LRIF1: variants seen among roughly 807,000 people sequenced by gnomAD.
LRIF1 encodes the protein ligand dependent nuclear receptor interacting factor 1, also known as ligand-dependent nuclear receptor-interacting factor 1.
A neutral mutation model predicts 52.7 loss-of-function variants in LRIF1; 32 were observed. The observed-to-expected ratio is 0.61, with a 90% CI of 0.46 to 0.82. The LOEUF is 0.82. Ranked by LOEUF, LRIF1 falls within the 40% of genes least tolerant of loss-of-function variation. LRIF1 has a pLI of 0.00. For synonymous variants in LRIF1, 323 were observed against 317.4 expected, an observed-to-expected ratio of 1.02 and a Z score of -0.19; for missense variants, 887 against 892.0, an observed-to-expected ratio of 0.99 and a Z score of 0.07.
At chr1:110,891,634 C>G in the LRIF1 span, among the ~76,000 whole-genome samples, 3 of 152,124 alleles carry the variant, frequency 2.0e-5, no homozygotes, top group Non-Finnish European at 2.9e-5. Context: ...TTCCCCTCTT[C>G]CTGCCACAGA....
intron 3 of LRIF1, 57 bp from the exon 4 acceptor site, chr1:110,948,456 G>A (rs1177622277): frequency 6.1e-5 from 93 of 1,518,232 alleles, no homozygotes; most frequent in Middle Eastern, 2.3e-4. Context: ...TAAATGCACC[G>A]GGTACTACCA....
chr1:110,910,463 T>C, the LRIF1 span, among the ~76,000 whole-genome samples: 1 of 152,052 alleles, frequency 6.6e-6, no homozygotes, highest in African/African-American at 2.4e-5. Context: ...TAGCTGGGCA[T>C]GGCAGCACAG....
In LRIF1 at chr1:110,947,385, TAA is replaced by T. The variant is rs1453969158; in HGVS notation, c.*572_*573del. 6.6e-6 allele frequency: 1 copy of T among 152,132 alleles called. No homozygotes were observed. The highest frequency in any genetic ancestry group is 2.4e-5 in the African/African-American group (1 of 41,420). 9.4% of individuals were successfully genotyped at this position (152,132 alleles called of 1,614,324 possible). ...CTTTGGATTATATAAAATTACATTG[TAA>T]AGTTACAAATGTTGCTCATTCTTGA... On this transcript the variant is annotated 3_prime_UTR_variant, in exon 4 of 4. Transcript: ENST00000369763.
At chr1:110,939,372 C>T in the LRIF1 span, 4 of 104,018 alleles carry the variant, frequency 3.8e-5, no homozygotes, top group East Asian at 3.4e-4. Flanking sequence ...AGCGAGACTC[C>T]GTCTCAAAAA....
chr1:110,896,635 T>G, the LRIF1 span: 1 of 1,610,220 alleles, frequency 6.2e-7, no homozygotes, highest in Non-Finnish European at 8.5e-7. Flanking sequence ...ATCATCATTT[T>G]GGGGGTTTGG....
the LRIF1 span, chr1:110,899,628 C>T: frequency 5.9e-6 from 1 of 170,218 alleles, no homozygotes; most frequent in Non-Finnish European, 1.3e-5. Context: ...GCCAGGCTCA[C>T]TGGACCATTG....
chr1:110,901,238 T>C, the LRIF1 span, among the ~76,000 whole-genome samples: 10 of 151,824 alleles, frequency 6.6e-5, no homozygotes. Flanking sequence ...AGTACAGTGG[T>C]GCAATCTTGG....
chr1:110,889,824 C>G, the LRIF1 span, among the ~76,000 whole-genome samples: 1 of 152,076 alleles, frequency 6.6e-6, no homozygotes, highest in African/African-American at 2.4e-5. Context: ...GGTAGTAAAT[C>G]ATTACACTTT....
chr1:110,962,149 A>G (rs1658985143), intron 1 of LRIF1, among the ~76,000 whole-genome samples: 1 of 151,856 alleles, frequency 6.6e-6, no homozygotes, highest in African/African-American at 2.4e-5. Context: ...TCCTAAAACA[A>G]ATTTTCTATA....
At chr1:110,935,939 C>A in the LRIF1 span, among the ~76,000 whole-genome samples, 4 of 151,714 alleles carry the variant, frequency 2.6e-5, no homozygotes, top group Admixed American at 6.6e-5. Context: ...AGAAATATTT[C>A]TAAAAGCAGC....
intron 1 of LRIF1, among the ~76,000 whole-genome samples, chr1:110,961,110 ACTGGATAG>A (rs1427657974): frequency 6.6e-6 from 1 of 152,104 alleles, no homozygotes; most frequent in African/African-American, 2.4e-5. Flanking sequence ...TTTATCTTTA[ACTGGATAG>A]CTGATACTTA....
chr1:110,890,765 G>C, the LRIF1 span, among the ~76,000 whole-genome samples: 2 of 152,116 alleles, frequency 1.3e-5, no homozygotes, highest in African/African-American at 4.8e-5. Flanking sequence ...ATATTTGTTG[G>C]CTTGTTTTAT....
chr1:110,962,809 C>T (rs1201071673), intron 1 of LRIF1, among the ~76,000 whole-genome samples: 1 of 152,006 alleles, frequency 6.6e-6, no homozygotes, highest in Non-Finnish European at 1.5e-5. Flanking sequence ...AGTCTGCAGA[C>T]CCTATTTTTT....
the LRIF1 span, among the ~76,000 whole-genome samples, chr1:110,928,034 T>C: frequency 6.6e-6 from 1 of 152,178 alleles, no homozygotes. Context: ...AAGTGCTGTT[T>C]TCCCTCAGTA....
At chr1:110,897,600 T>C in the LRIF1 span, 2 of 456,236 alleles carry the variant, frequency 4.4e-6, no homozygotes, top group Non-Finnish European at 8.0e-6. Context: ...TAGTTACCAC[T>C]GTAATGATAA....
At chr1:110,958,619 C>T (rs1658818380) in intron 1 of LRIF1, among the ~76,000 whole-genome samples, 1 of 152,056 alleles carries the variant, frequency 6.6e-6, no homozygotes, top group South Asian at 2.1e-4. Context: ...ATTTTCCAAT[C>T]TGATCACTAA....
the LRIF1 span, among the ~76,000 whole-genome samples, chr1:110,929,298 G>A: frequency 6.6e-6 from 1 of 152,170 alleles, no homozygotes. Flanking sequence ...GGATTGCTGG[G>A]TCAAATGGTA....
the LRIF1 span, among the ~76,000 whole-genome samples, chr1:110,909,792 G>C: frequency 5.3e-5 from 8 of 151,848 alleles, no homozygotes; most frequent in African/African-American, 1.9e-4. Context: ...TGTTGGTCAG[G>C]CTGGTCTCGA....
chr1:110,896,864 G>A, the LRIF1 span: 8 of 712,176 alleles, frequency 1.1e-5, no homozygotes, highest in Middle Eastern at 5.3e-4. Flanking sequence ...GAGAGGCCAG[G>A]GCAACAACCT....
Sources: gnomAD v4.1 joint callset for allele counts (sites outside exome capture counted in the v4.1 genomes callset) on GRCh38, gnomAD v4.1.1 for gene constraint, MANE v1.5 for transcripts, NCBI Gene and HGNC (gene_info 2026-07-23, HGNC 2026-07-21) for gene names.